SGO2: variants seen among roughly 807,000 people sequenced by gnomAD.
SGO2 encodes the protein shugoshin-like 2.
In SGO2, 68 loss-of-function variants were observed where a neutral mutation model predicts 99.5. That is an observed-to-expected ratio of 0.68 (90% CI 0.56 to 0.84). The LOEUF (loss-of-function observed/expected upper bound fraction) is 0.84. Among genes scored for constraint, SGO2 ranks in the 40% least tolerant of loss-of-function variants. SGO2 has a pLI of 0.00. For synonymous variants in SGO2, 457 were observed against 487.1 expected (o/e 0.94, Z 0.81); for missense variants, 1,350 against 1,436.7 (o/e 0.94, Z 0.97).
At chr2:200,581,587 A>G (rs2033845615) in intron 8 of SGO2, among the ~76,000 whole-genome samples, 1 of 152,164 alleles carries the variant, frequency 6.6e-6, no homozygotes, top group Admixed American at 6.5e-5. Context: ...ACCTATGATG[A>G]TCATTCCATA....
intron 5 of SGO2, among the ~76,000 whole-genome samples, chr2:200,568,142 T>C (rs2033262838): frequency 6.6e-6 from 1 of 152,230 alleles, no homozygotes; most frequent in African/African-American, 2.4e-5. Context: ...TCTATTCTTG[T>C]GAGTATAGCC....
Position 200,544,786 on chromosome 2 carries a change from T to C in SGO2, c.473+2122T>C, listed in dbSNP as rs989777030. ...TAGTTTTCTAAAGGAGTTATACCAA[T>C]TTACATTATTACTAACAATATATGA... On this transcript the variant is annotated intron_variant, in intron 5 of 8. Coordinates refer to ENST00000357799, the MANE Select transcript of SGO2 (RefSeq NM_152524.6). Among the ~76,000 whole-genome samples, 3 of 152,124 alleles carry C rather than the reference T, an allele frequency of 2.0e-5. No individual in the cohort carries two copies. In the South Asian group the frequency reaches 6.2e-4, roughly 32 times the overall value.
chr2:200,555,619 A>G (rs1435733243), intron 5 of SGO2, among the ~76,000 whole-genome samples: 3 of 152,182 alleles, frequency 2.0e-5, no homozygotes, highest in Admixed American at 1.3e-4. Flanking sequence ...GGACATTTCC[A>G]TACCTTCCAG....
intron 5 of SGO2, among the ~76,000 whole-genome samples, chr2:200,561,411 A>G (rs978725898): frequency 6.6e-6 from 1 of 152,180 alleles, no homozygotes; most frequent in African/African-American, 2.4e-5. Context: ...TCCACGGTGT[A>G]TATGTGCACA....
rs1217532772 is a variant in SGO2, at chr2:200,570,507, TGTGG to T, written c.704-541_704-538del. Reference sequence around the variant, plus strand: ...GTGTGTGTGTGTGTGTGTGTGTGTGTGTGGGCATATGTATATGTATATAATATAT... The same window carrying T: ...GTGTGTGTGTGTGTGTGTGTGTGTGTGCATATGTATATGTATATAATATAT... On this transcript the variant is annotated intron_variant, in intron 6 of 8. Coordinates refer to ENST00000357799, the MANE Select transcript of SGO2 (RefSeq NM_152524.6). The surrounding 1 kb of genome is among the most constrained non-coding windows in gnomAD (Gnocchi z 4.4). Among the ~76,000 whole-genome samples, 1 of 150,304 alleles carries T rather than the reference TGTGG, an allele frequency of 6.7e-6. No homozygotes were observed. The highest frequency in any genetic ancestry group is 2.4e-5 in the African/African-American group (1 of 40,894).
Position 200,571,902 on chromosome 2 carries a change from T to C in SGO2, c.1556T>C (p.Phe519Ser). Residue 519 changes from phenylalanine to serine, a missense_variant, in exon 7 of 9, where the codon TTT (phenylalanine) becomes TCT (serine). Phe to Ser is a radical substitution (Grantham distance 155, BLOSUM62 -2). Transcript: ENST00000357799. ...GGTAAATTTCACCAGGAGAGTAAATTTGATAAGGGTCAGAATTCCCTAACT... is the reference window on the plus strand; with the variant it reads ...GGTAAATTTCACCAGGAGAGTAAATCTGATAAGGGTCAGAATTCCCTAACT... ...SSGKFHQESK[F>S]DKGQNSLTCN... 6.2e-7 allele frequency: 1 copy of C among 1,613,506 alleles called. No homozygotes were observed. Among genetic ancestry groups the C allele is most frequent in the Non-Finnish European group, 8.5e-7 (1 of 1,179,638 alleles).
chr2:200,545,501 G>A (rs1312277136), intron 5 of SGO2, among the ~76,000 whole-genome samples: 1 of 151,862 alleles, frequency 6.6e-6, no homozygotes, highest in East Asian at 1.9e-4. Flanking sequence ...GTTCTAAAAC[G>A]GCAGTGTAAG....
At position 200,532,271 on chromosome 2, in the gene SGO2, TG is replaced by T. The variant is rs145265082; in HGVS notation, c.-2-702del. On this transcript the variant is annotated intron_variant, in intron 1 of 8. Transcript: ENST00000357799. ...GGCAGGTGCAGGTGACAGAGTTTTT[TG>T]TTTTTTTTTTTGTTTTTTTTTTTTT... The T allele has an allele frequency of 1.4e-3, 600 of 430,926 alleles. 5 individuals are homozygous for T. The highest frequency in any genetic ancestry group is 0.013 in the African/African-American group (364 of 27,214). The allele number at this position is 430,926 out of a possible 1,614,324, so 26.7% of individuals were successfully genotyped here.
At chr2:200,567,018 C>T (rs564584743) in intron 5 of SGO2, among the ~76,000 whole-genome samples, 1 of 152,320 alleles carries the variant, frequency 6.6e-6, no homozygotes, top group South Asian at 2.1e-4. Flanking sequence ...TTGCACTTCC[C>T]AGGTGAGGCG....
intron 4 of SGO2, among the ~76,000 whole-genome samples, chr2:200,539,014 T>TA (rs2031831785): frequency 6.6e-6 from 1 of 152,158 alleles, no homozygotes; most frequent in African/African-American, 2.4e-5. Context: ...TTATATATAC[T>TA]AAGCCCATAA....
chr2:200,537,859 C>T (rs890790999), intron 4 of SGO2, among the ~76,000 whole-genome samples: 1 of 152,150 alleles, frequency 6.6e-6, no homozygotes, highest in Admixed American at 6.5e-5. Flanking sequence ...TGCCACCAAA[C>T]CAGTTCTTTT....
At position 200,571,432 on chromosome 2, in the gene SGO2, T is replaced by A; in HGVS notation, c.1086T>A (p.Asp362Glu). Reference protein sequence around the residue: ...DDFQLQKTVYDADMDLTASEV... With the variant: ...DDFQLQKTVYEADMDLTASEV... ...TTCAATTGCAGAAAACTGTGTATGA[T>A]GCTGACATGGATTTAACTGCTAGTG... Residue 362 changes from aspartate (D) to glutamate (E), a missense_variant, in exon 7 of 9, where the codon GAT becomes GAA. By Grantham distance (45) the Asp-to-Glu change is conservative. Transcript: ENST00000357799. 6.2e-7 allele frequency: 1 copy of A among 1,611,106 alleles called. No individual in the cohort carries two copies. Among genetic ancestry groups the A allele is most frequent in the Non-Finnish European group, 8.5e-7 (1 of 1,178,350 alleles).
chr2:200,529,456 T>A (rs912754406), intron 1 of SGO2, among the ~76,000 whole-genome samples: 3 of 152,184 alleles, frequency 2.0e-5, no homozygotes, highest in African/African-American at 7.2e-5. Flanking sequence ...AAATCTATAG[T>A]ATGTTAGATA....
chr2:200,557,865 CTT>C (rs796257056), intron 5 of SGO2, among the ~76,000 whole-genome samples: 21 of 130,118 alleles, frequency 1.6e-4, no homozygotes, highest in East Asian at 4.4e-4. Context: ...GCATTGGCTA[CTT>C]TTTTTTTTTT....
At chr2:200,576,863 G>A (rs1441892022) in intron 8 of SGO2, among the ~76,000 whole-genome samples, 1 of 152,136 alleles carries the variant, frequency 6.6e-6, no homozygotes, top group African/African-American at 2.4e-5. Flanking sequence ...ATCATAGCAT[G>A]TATCAGTATT....
intron 5 of SGO2, among the ~76,000 whole-genome samples, chr2:200,558,593 G>A (rs1048775531): frequency 6.6e-6 from 1 of 151,962 alleles, no homozygotes; most frequent in South Asian, 2.1e-4. Flanking sequence ...ATCATTGTAT[G>A]TTGATGAAAA....
chr2:200,568,309 T>G (rs2033267773), intron 5 of SGO2, among the ~76,000 whole-genome samples: 3 of 152,322 alleles, frequency 2.0e-5, no homozygotes, highest in African/African-American at 7.2e-5. Flanking sequence ...ATCATGTTTT[T>G]CTATTGCTTC....
At chr2:200,569,130 G>C (rs1035404175) in intron 5 of SGO2, among the ~76,000 whole-genome samples, 8 of 152,098 alleles carry the variant, frequency 5.3e-5, no homozygotes, top group African/African-American at 1.9e-4. Flanking sequence ...AAATATGTCA[G>C]TGTATCAAAT....
intron 5 of SGO2, among the ~76,000 whole-genome samples, chr2:200,556,061 T>C (rs2032702470): frequency 6.6e-6 from 1 of 152,022 alleles, no homozygotes; most frequent in African/African-American, 2.4e-5. Context: ...ACCTCCTGGG[T>C]TCAAGCAATT....
Sources: gnomAD v4.1 joint callset for allele counts (sites outside exome capture counted in the v4.1 genomes callset) on GRCh38, gnomAD v4.1.1 for gene constraint, Gnocchi (gnomAD v3.1) non-coding constraint, MANE v1.5 for transcripts, NCBI Gene and HGNC (gene_info 2026-07-23, HGNC 2026-07-21) for gene names.